Variants in CDH20 observed in about 807,000 individuals in gnomAD.
The protein encoded by CDH20 is cadherin-20.
In CDH20, 29 loss-of-function variants were observed where a neutral mutation model predicts 74.2. The ratio of observed to expected loss-of-function variants is 0.39; its 90% CI spans 0.29 to 0.53. CDH20 has a LOEUF of 0.53. CDH20 is among the 20% of genes least tolerant of loss of function. The pLI is 0.69. For missense variants in CDH20, 988 were observed against 1,048.3 expected (o/e 0.94, Z 0.79); for synonymous variants, 469 against 405.4 (o/e 1.16, Z -1.88).
At chr18:61,515,937 T>A (rs61519177) in intron 6 of CDH20, among the ~76,000 whole-genome samples, 24,755 of 151,784 alleles carry the variant, frequency 0.16, 2,491 homozygotes, top group African/African-American at 0.27. Flanking sequence ...ATAATAATTT[T>A]AAAAAAAAGA....
chr18:61,404,797 CTT>C (rs71178967), intron 1 of CDH20: 20,556 of 222,898 alleles, frequency 0.092, 36 homozygotes, highest in East Asian at 0.18. Flanking sequence ...AAATTGTCAA[CTT>C]TTTTTTTTTT....
chr18:61,384,577 T>C (rs943069987), intron 1 of CDH20, among the ~76,000 whole-genome samples: 1 of 152,198 alleles, frequency 6.6e-6, no homozygotes, highest in African/African-American at 2.4e-5. Context: ...TCGACTATAG[T>C]TGTGAGCACT....
rs1599020031 is a variant in CDH20 at position 61,333,674 on chromosome 18, T to G, written c.-306T>G. ...GCTGTGACACTTCTGACAGAGGGGG[T>G]AGGGGGGTGGGGGGCGGGGACAGCG... On this transcript the variant is annotated 5_prime_UTR_variant, in exon 1 of 12. Transcript: ENST00000262717. 39 of 15,018 alleles carry G rather than the reference T, an allele frequency of 2.6e-3. No individual in the cohort carries two copies. Among genetic ancestry groups the G allele is most frequent in the Middle Eastern group, 0.031 (1 of 32 alleles). 0.9% of individuals were successfully genotyped at this position (15,018 alleles called of 1,614,324 possible).
At chr18:61,427,492 T>C (rs28398447) in intron 1 of CDH20, among the ~76,000 whole-genome samples, 2 of 152,144 alleles carry the variant, frequency 1.3e-5, no homozygotes, top group Non-Finnish European at 1.5e-5. Context: ...GGTAGAGAAC[T>C]AACTACAAAC....
At chr18:61,516,891 T>C (rs1912020964) in intron 6 of CDH20, among the ~76,000 whole-genome samples, 3 of 152,058 alleles carry the variant, frequency 2.0e-5, no homozygotes, top group African/African-American at 7.2e-5. Context: ...GTTTAGACAA[T>C]TGAGGGCAAT....
chr18:61,366,553 G>A (rs866378127), intron 1 of CDH20, among the ~76,000 whole-genome samples: 1 of 152,026 alleles, frequency 6.6e-6, no homozygotes, highest in Non-Finnish European at 1.5e-5. Context: ...AGATTAGCAG[G>A]TGGTATGAGT....
At chr18:61,426,919 T>C (rs1222825643) in intron 1 of CDH20, among the ~76,000 whole-genome samples, 49 of 152,074 alleles carry the variant, frequency 3.2e-4, no homozygotes, top group Admixed American at 2.7e-3. Flanking sequence ...AGCGTAGTCA[T>C]TGGGTCTGTG....
intron 1 of CDH20, among the ~76,000 whole-genome samples, chr18:61,369,836 C>T (rs1910971020): frequency 6.6e-6 from 1 of 152,068 alleles, no homozygotes; most frequent in South Asian, 2.1e-4. Context: ...ACCACATGTC[C>T]TCACTTGTAA....
chr18:61,470,944 A>T (rs958886740), intron 1 of CDH20, among the ~76,000 whole-genome samples: 2 of 152,084 alleles, frequency 1.3e-5, no homozygotes, highest in Admixed American at 1.3e-4. Context: ...CAACCAAATG[A>T]AACTGTTGGA....
At chr18:61,464,930 A>T (rs1256213220) in intron 1 of CDH20, among the ~76,000 whole-genome samples, 2 of 152,244 alleles carry the variant, frequency 1.3e-5, no homozygotes, top group Non-Finnish European at 2.9e-5. Flanking sequence ...GTAGGAAGCC[A>T]CTGGACATAT....
chr18:61,524,835 C>T (rs1277405064), intron 6 of CDH20, among the ~76,000 whole-genome samples: 1 of 152,050 alleles, frequency 6.6e-6, no homozygotes, highest in Non-Finnish European at 1.5e-5. Flanking sequence ...GCAGAAGAGT[C>T]GCCTGAACCC....
chr18:61,480,478 G>T (rs1599113965), intron 1 of CDH20, among the ~76,000 whole-genome samples: 2 of 152,308 alleles, frequency 1.3e-5, no homozygotes, highest in African/African-American at 4.8e-5. Context: ...GTTCTGTCCA[G>T]AAAGGTGGGA....
At chr18:61,475,772 T>C (rs1910356046) in intron 1 of CDH20, among the ~76,000 whole-genome samples, 1 of 152,224 alleles carries the variant, frequency 6.6e-6, no homozygotes, top group Admixed American at 6.5e-5. Flanking sequence ...TCTCTTTTGT[T>C]ATGCCTGAAC....
At chr18:61,370,508 AT>A in intron 1 of CDH20, among the ~76,000 whole-genome samples, 1 of 152,230 alleles carries the variant, frequency 6.6e-6, no homozygotes, top group Admixed American at 6.6e-5. Flanking sequence ...ACAAATAAAA[AT>A]TGTATGTATT....
chr18:61,409,392 C>T (rs550234502), intron 1 of CDH20, among the ~76,000 whole-genome samples: 72 of 152,258 alleles, frequency 4.7e-4, no homozygotes, highest in African/African-American at 1.6e-3. Context: ...TCCTTCAACA[C>T]GGTCCTGTGG....
chr18:61,359,948 C>T (rs1910633938), intron 1 of CDH20, among the ~76,000 whole-genome samples: 1 of 152,160 alleles, frequency 6.6e-6, no homozygotes, highest in East Asian at 1.9e-4. Context: ...GTCAACTCTT[C>T]CAGTCAATTA....
intron 1 of CDH20, among the ~76,000 whole-genome samples, chr18:61,379,158 A>T (rs996938256): frequency 2.6e-5 from 4 of 152,208 alleles, no homozygotes; most frequent in African/African-American, 9.6e-5. Flanking sequence ...TATGGTTAAC[A>T]CAGATAATCA....
At chr18:61,527,166 C>A (rs376340953) in intron 6 of CDH20, among the ~76,000 whole-genome samples, 1 of 152,018 alleles carries the variant, frequency 6.6e-6, no homozygotes, top group Non-Finnish European at 1.5e-5. Flanking sequence ...GGTGACAGAG[C>A]GAGACTCCAT....
chr18:61,351,369 A>G (rs1167750553), intron 1 of CDH20, among the ~76,000 whole-genome samples: 2 of 152,156 alleles, frequency 1.3e-5, no homozygotes, highest in Non-Finnish European at 1.5e-5. Context: ...TTGACTTTAA[A>G]TCATGCTCTT....
Sources: gnomAD v4.1 joint callset for allele counts (sites outside exome capture counted in the v4.1 genomes callset) on GRCh38, gnomAD v4.1.1 for gene constraint, MANE v1.5 for transcripts, NCBI Gene and HGNC (gene_info 2026-07-23, HGNC 2026-07-21) for gene names.